The following GAB4 variants were observed in gnomAD, a reference collection of about 807,000 sequenced individuals.
The protein encoded by GAB4 is GRB2-associated-binding protein 4.
A neutral mutation model predicts 51.3 loss-of-function variants in GAB4; 26 were observed. The observed-to-expected ratio is 0.51, with a 90% CI of 0.37 to 0.70. The LOEUF is 0.70. Ranked by LOEUF, GAB4 falls within the 30% of genes least tolerant of loss-of-function variation. The pLI is 0.00. For synonymous variants in GAB4, 329 were observed against 291.2 expected, an observed-to-expected ratio of 1.13 and a Z score of -1.32; for missense variants, 759 against 734.6, an observed-to-expected ratio of 1.03 and a Z score of -0.38.
At chr22:16,964,637 T>C (rs916729169) in intron 8 of GAB4, 129 bp downstream of exon 8, 1 of 624,426 alleles carries the variant, frequency 1.6e-6, no homozygotes, top group Non-Finnish European at 2.9e-6. Context: ...GAGCTTGCAA[T>C]AGGAGACCAA....
At chr22:17,002,862 T>C (rs560996020) in intron 1 of GAB4, among the ~76,000 whole-genome samples, 5 of 152,270 alleles carry the variant, frequency 3.3e-5, no homozygotes, top group South Asian at 2.1e-4. Context: ...ATGGGCTAAA[T>C]GCCCCAATTA....
In GAB4 at chr22:17,008,022, G is replaced by A. The variant is rs1226912283; in HGVS notation, c.93C>T (p.Ala31=). The A allele has an allele frequency of 4.3e-6, 7 of 1,610,400 alleles. No individual in the cohort carries two copies. In the East Asian group the frequency reaches 1.1e-4, roughly 26 times the overall value. The change falls in exon 1 of 10, where the codon GCC becomes GCT. Residue 31 remains alanine, a synonymous_variant. Transcript: ENST00000400588. ...CGTGGCCACTTCTCGTGCTTCCGCC[G>A]GCGGGGCCACTTCCGGGCCACGAAG... ...PLSSWPGSGP[A]GGSTRSGHVL...
intron 3 of GAB4, among the ~76,000 whole-genome samples, chr22:16,978,340 T>TA (rs2060797716): frequency 6.6e-6 from 1 of 151,938 alleles, no homozygotes; most frequent in Non-Finnish European, 1.5e-5. Context: ...TAAAAAACGA[T>TA]AAAGTGGATA....
chr22:16,988,178 A>C lies in GAB4; in HGVS notation c.479-11T>G. 1 of 1,591,428 alleles carries C rather than the reference A, an allele frequency of 6.3e-7. No homozygotes were observed. The highest frequency in any genetic ancestry group is 8.6e-7 in the Non-Finnish European group (1 of 1,160,582). On this transcript the variant is annotated splice_polypyrimidine_tract_variant and intron_variant, in intron 2 of 9. Coordinates refer to ENST00000400588, the MANE Select transcript of GAB4 (RefSeq NM_001037814.1). ...TGTTTCCCAGGAAGCCTGTGAATGA[A>C]ACAGGAAGGAAGGGCATCCTTGTCC... is the stretch of plus-strand genomic sequence containing the variant.
intron 1 of GAB4, among the ~76,000 whole-genome samples, chr22:17,001,551 A>G (rs186236944): frequency 8.9e-4 from 135 of 152,158 alleles, no homozygotes; most frequent in African/African-American, 3.1e-3. Context: ...ATCTTTTTTC[A>G]AGATTTTTAG....
chr22:17,001,690 G>A (rs888129393), intron 1 of GAB4, among the ~76,000 whole-genome samples: 3 of 152,176 alleles, frequency 2.0e-5, no homozygotes, highest in African/African-American at 7.2e-5. Context: ...TGCTGTAGAT[G>A]AGCTGCTTTC....
chr22:16,966,546 A>G, intron 5 of GAB4, 182 bp from the exon 6 acceptor site: 1 of 654,448 alleles, frequency 1.5e-6, no homozygotes, highest in Non-Finnish European at 2.6e-6. Context: ...TGCCCCAGCC[A>G]GGAACCCCAT....
intron 1 of GAB4, 63 bp downstream of exon 1, chr22:17,007,878 C>T (rs933801336): frequency 1.9e-4 from 269 of 1,448,226 alleles, no homozygotes; most frequent in Non-Finnish European, 2.3e-4. Flanking sequence ...CTCCCCCACG[C>T]CCCTCCCGGA....
At chr22:17,000,938 C>A (rs2060992390) in intron 1 of GAB4, among the ~76,000 whole-genome samples, 1 of 152,132 alleles carries the variant, frequency 6.6e-6, no homozygotes, top group South Asian at 2.1e-4. Flanking sequence ...GTTGAAAATT[C>A]TTTTCTTTAA....
intron 1 of GAB4, among the ~76,000 whole-genome samples, chr22:16,997,034 G>A (rs35516111): frequency 6.6e-6 from 1 of 151,864 alleles, no homozygotes; most frequent in African/African-American, 2.4e-5. Context: ...GTGTATATGT[G>A]CCACATTTTC....
intron 1 of GAB4, among the ~76,000 whole-genome samples, chr22:17,000,084 G>A (rs1202402654): frequency 2.6e-5 from 4 of 152,190 alleles, no homozygotes; most frequent in Admixed American, 2.6e-4. Flanking sequence ...TTTGGAATAA[G>A]TGTGATGTGG....
intron 4 of GAB4, among the ~76,000 whole-genome samples, chr22:16,968,644 T>C (rs2060703477): frequency 6.6e-6 from 1 of 152,006 alleles, no homozygotes; most frequent in Non-Finnish European, 1.5e-5. Context: ...CTTCAACTCC[T>C]ACAGCACCCA....
chr22:16,994,270 G>A (rs972461398), intron 1 of GAB4, among the ~76,000 whole-genome samples: 13 of 152,128 alleles, frequency 8.5e-5, no homozygotes, highest in African/African-American at 3.1e-4. Context: ...CTTCATTGCT[G>A]CTATATCAAC....
Position 16,969,996 on chromosome 22 carries a change from G to A in GAB4, c.884C>T (p.Ala295Val), listed in dbSNP as rs751446104. The A allele has an allele frequency of 6.2e-7, 1 of 1,614,174 alleles. No individual in the cohort carries two copies. Among genetic ancestry groups the A allele is most frequent in the Admixed American group, 1.7e-5 (1 of 60,026 alleles). Reference sequence around the variant, plus strand: ...GCTGCCTCTGGTGTGGCCATGGGAGGCCAGGCTCCAGGGGATTCTGTGGGT... The same window carrying A: ...GCTGCCTCTGGTGTGGCCATGGGAGACCAGGCTCCAGGGGATTCTGTGGGT... ...GSTHRIPWSL[A>V]SHGHTRGSLT... is the part of the protein sequence containing the mutation. Residue 295 changes from alanine (A) to valine (V), a missense_variant, in exon 4 of 10, where the codon GCC (alanine) becomes GTC (valine). Transcript: ENST00000400588.
intron 6 of GAB4, among the ~76,000 whole-genome samples, 180 bp downstream of exon 6, chr22:16,965,920 C>T (rs2060668586): frequency 6.6e-6 from 1 of 152,222 alleles, no homozygotes; most frequent in African/African-American, 2.4e-5. Flanking sequence ...AGACACTCTC[C>T]TTCCAAACAA....
At chr22:16,994,231 C>A (rs2060934290) in intron 1 of GAB4, among the ~76,000 whole-genome samples, 1 of 152,144 alleles carries the variant, frequency 6.6e-6, no homozygotes, top group African/African-American at 2.4e-5. Flanking sequence ...TTCTGCACCA[C>A]TAAAATGACT....
chr22:16,991,819 T>C (rs2060916221), intron 2 of GAB4, 54 bp downstream of exon 2: 3 of 1,411,454 alleles, frequency 2.1e-6, no homozygotes, highest in East Asian at 2.3e-5. Context: ...TTGCTGGAGA[T>C]TGGAGGGCCT....
intron 5 of GAB4, chr22:16,966,811 G>A (rs2060680071): frequency 5.9e-6 from 1 of 169,282 alleles, no homozygotes; most frequent in Non-Finnish European, 1.3e-5. Context: ...TCTGCTGCAT[G>A]GGGGAGGTAA....
rs141131151 is a variant in GAB4, at chr22:16,972,778, G to A, written c.687-2585C>T. Among the ~76,000 whole-genome samples the A allele has an allele frequency of 3.7e-4, 57 of 152,058 alleles. 1 individual carries two copies. In the East Asian group the frequency reaches 8.1e-3, roughly 22 times the overall value. On this transcript the variant is annotated intron_variant, in intron 3 of 9. Coordinates refer to ENST00000400588, the MANE Select transcript of GAB4 (RefSeq NM_001037814.1). ...TGGACCACAAAAGGTCTCATAACAC[G>A]TCTTCCTCACATCTTCCCAGGGCCT...
Sources: allele counts gnomAD v4.1 joint callset (sites outside exome capture counted in the v4.1 genomes callset), GRCh38; gene constraint gnomAD v4.1.1; transcripts MANE v1.5; gene names NCBI Gene and HGNC (gene_info 2026-07-23, HGNC 2026-07-21).